Variants in ARHGAP8 observed in about 807,000 individuals in gnomAD.
ARHGAP8 encodes the protein rho GTPase-activating protein 8.
A neutral mutation model predicts 46.1 loss-of-function variants in ARHGAP8; 62 were observed. That is an observed-to-expected ratio of 1.34 (90% CI 1.10 to 1.66). The LOEUF is 1.66. Ranked by LOEUF, ARHGAP8 falls within the 40% of genes most tolerant of loss-of-function variation. The pLI is 0.00. For missense variants in ARHGAP8, 923 were observed against 568.4 expected, an observed-to-expected ratio of 1.62 and a Z score of -6.34; for synonymous variants, 375 against 243.1, an observed-to-expected ratio of 1.54 and a Z score of -5.05.
chr22:44,862,013 ATAG>A (rs1317523807), intron 11 of ARHGAP8, among the ~76,000 whole-genome samples: 1 of 152,070 alleles, frequency 6.6e-6, no homozygotes, highest in East Asian at 1.9e-4. Context: ...GGAAGAGGAG[ATAG>A]TGGGGGGTTG....
chr22:44,787,361 T>TTTTG (rs2147050011), intron 2 of ARHGAP8, among the ~76,000 whole-genome samples: 1 of 134,264 alleles, frequency 7.4e-6, no homozygotes, highest in East Asian at 2.0e-4. Context: ...TTTTGTTTTG[T>TTTTG]TTGAGACAGG....
chr22:44,826,821 G>C (rs1930556687), intron 7 of ARHGAP8, among the ~76,000 whole-genome samples: 2 of 152,170 alleles, frequency 1.3e-5, no homozygotes, highest in South Asian at 2.1e-4. Flanking sequence ...TCGGTCACCT[G>C]CCCTTACTGA....
At chr22:44,839,092 G>A (rs992932035) in intron 7 of ARHGAP8, among the ~76,000 whole-genome samples, 1 of 152,144 alleles carries the variant, frequency 6.6e-6, no homozygotes, top group African/African-American at 2.4e-5. Flanking sequence ...GAGGAAAAGA[G>A]CCTGTAACTT....
At chr22:44,772,030 C>T (rs1346835180) in intron 1 of ARHGAP8, among the ~76,000 whole-genome samples, 1 of 152,084 alleles carries the variant, frequency 6.6e-6, no homozygotes, top group Non-Finnish European at 1.5e-5. Flanking sequence ...ATGATGTTAG[C>T]TGTAGATTTT....
chr22:44,810,954 G>A (rs758479532), intron 4 of ARHGAP8, among the ~76,000 whole-genome samples: 7 of 152,200 alleles, frequency 4.6e-5, no homozygotes, highest in Non-Finnish European at 8.8e-5. Context: ...AGCAGGATGT[G>A]CACAGTAGCC....
In ARHGAP8 at chr22:44,786,441, A is replaced by G; in HGVS notation, c.-71-16A>G. On this transcript the variant is annotated splice_polypyrimidine_tract_variant and intron_variant, in intron 1 of 11. Coordinates refer to ENST00000356099, the MANE Select transcript of ARHGAP8 (RefSeq NM_181335.3). The stretch of plus-strand genomic sequence containing the variant: ...CTGGAGAATGCACTGACTTCCTTTA[A>G]TCTTCTTTGCCGCAGAGCTGCAGAG... 1 of 1,575,946 alleles carries G rather than the reference A, an allele frequency of 6.3e-7. No individual in the cohort carries two copies. The highest frequency in any genetic ancestry group is 8.6e-7 in the Non-Finnish European group (1 of 1,161,528).
At chr22:44,809,207 T>C (rs1317809807) in intron 4 of ARHGAP8, 1 of 470,450 alleles carries the variant, frequency 2.1e-6, no homozygotes, top group Non-Finnish European at 4.4e-6. Context: ...CTGGACTGTG[T>C]TCCAGTAAAA....
rs370649393 is a variant in ARHGAP8 at position 44,825,547 on chromosome 22, C to T, written c.550C>T (p.Pro184Ser). The change falls in exon 7 of 12, where the codon CCG (proline) becomes TCG (serine). Residue 184 changes from proline (P) to serine (S), a missense_variant. Pro to Ser is a moderately conservative substitution (Grantham distance 74, BLOSUM62 -1). Coordinates refer to ENST00000356099, the MANE Select transcript of ARHGAP8 (RefSeq NM_181335.3). ...RTPPPTKTPP[P>S]RPPLPTQQFG... ...GCCGCCTCCCACCAAGACACCACCG[C>T]CGCGGCCCCCGCTGCCCACACAGCA... 6 of 1,613,470 alleles carry T rather than the reference C, an allele frequency of 3.7e-6. No individual in the cohort carries two copies. Among genetic ancestry groups the T allele is most frequent in the Admixed American group, 1.7e-5 (1 of 59,996 alleles).
intron 10 of ARHGAP8, 122 bp downstream of exon 10, chr22:44,849,182 C>T: frequency 6.5e-7 from 1 of 1,533,014 alleles, no homozygotes; most frequent in East Asian, 2.3e-5. Context: ...CCTCCTGTTG[C>T]CATCTGGCAC....
chr22:44,818,390 G>A (rs1434928713), intron 5 of ARHGAP8, among the ~76,000 whole-genome samples: 7 of 144,040 alleles, frequency 4.9e-5, no homozygotes, highest in South Asian at 2.2e-4. Context: ...CAGAGGTTGC[G>A]GTGAGCCGAG....
intron 7 of ARHGAP8, among the ~76,000 whole-genome samples, chr22:44,838,461 A>G (rs1931436969): frequency 6.6e-6 from 1 of 152,138 alleles, no homozygotes; most frequent in Non-Finnish European, 1.5e-5. Flanking sequence ...GGTAGTAGAA[A>G]CAGGGTTTCT....
At chr22:44,797,321 C>T (rs6519896) in intron 2 of ARHGAP8, among the ~76,000 whole-genome samples, 3,226 of 150,700 alleles carry the variant, frequency 0.021, 113 homozygotes, top group African/African-American at 0.073. Flanking sequence ...TCACCCATCA[C>T]TTTAGGAGCA....
chr22:44,862,006 AGAG>A (rs1423644199), intron 11 of ARHGAP8, among the ~76,000 whole-genome samples: 1 of 152,150 alleles, frequency 6.6e-6, no homozygotes, highest in African/African-American at 2.4e-5. Flanking sequence ...GTGCAGTGGA[AGAG>A]GAGATAGTGG....
rs769447573 is a variant in ARHGAP8, at chr22:44,848,011, G to C, written c.709G>C (p.Val237Leu). The change falls in exon 9 of 12, where the codon GTG (valine) becomes CTG (leucine). Residue 237 changes from valine (V) to leucine (L), a missense_variant. Physicochemically the swap from Val to Leu is conservative, Grantham distance 32. Coordinates refer to ENST00000356099, the MANE Select transcript of ARHGAP8 (RefSeq NM_181335.3). ...GGGCCTGTTCCGGAGATCCGCCAGC[G>C]TGCAGACCGTCCGCGAGATCCAGAG... ...TEGLFRRSASVQTVREIQRLY... is the reference protein window; with the variant it reads ...TEGLFRRSASLQTVREIQRLY... The C allele has an allele frequency of 6.2e-7, 1 of 1,608,040 alleles. No homozygotes were observed. Among genetic ancestry groups the C allele is most frequent in the African/African-American group, 1.3e-5 (1 of 74,944 alleles).
chr22:44,773,872 C>G (rs1159615041), intron 1 of ARHGAP8, among the ~76,000 whole-genome samples: 1 of 152,186 alleles, frequency 6.6e-6, no homozygotes, highest in Non-Finnish European at 1.5e-5. Context: ...CATGACCCAC[C>G]ACACCCAGCA....
intron 1 of ARHGAP8, among the ~76,000 whole-genome samples, chr22:44,761,422 T>G (rs1017378689): frequency 3.9e-5 from 6 of 152,228 alleles, no homozygotes; most frequent in African/African-American, 1.4e-4. Context: ...AACAACACAA[T>G]GTAAGAACTA....
At chr22:44,774,275 C>T (rs556744650) in intron 1 of ARHGAP8, among the ~76,000 whole-genome samples, 5 of 152,228 alleles carry the variant, frequency 3.3e-5, no homozygotes, top group Admixed American at 3.3e-4. Context: ...AAAGGAAGAA[C>T]GTTTTAGCAG....
At chr22:44,776,184 C>A (rs1926403723) in intron 1 of ARHGAP8, among the ~76,000 whole-genome samples, 1 of 152,172 alleles carries the variant, frequency 6.6e-6, no homozygotes, top group Non-Finnish European at 1.5e-5. Flanking sequence ...GGCGCAGTGG[C>A]TCACACCTGT....
At chr22:44,767,716 T>TA (rs1199645061) in intron 1 of ARHGAP8, among the ~76,000 whole-genome samples, 1 of 151,136 alleles carries the variant, frequency 6.6e-6, no homozygotes, top group African/African-American at 2.4e-5. Flanking sequence ...TTACTAAAAA[T>TA]AAAAAAATTA....
Sources: allele counts gnomAD v4.1 joint callset (sites outside exome capture counted in the v4.1 genomes callset), GRCh38; gene constraint gnomAD v4.1.1; transcripts MANE v1.5; gene names NCBI Gene and HGNC (gene_info 2026-07-23, HGNC 2026-07-21).